Variants in KIF1B observed in about 807,000 individuals in gnomAD.
The protein encoded by KIF1B is kinesin-like protein KIF1B.
A neutral mutation model predicts 241.9 loss-of-function variants in KIF1B; 76 were observed. That is an observed-to-expected ratio of 0.31 (90% CI 0.26 to 0.38). The LOEUF (loss-of-function observed/expected upper bound fraction) is 0.38. Among genes scored for constraint, KIF1B ranks in the 10% least tolerant of loss-of-function variants. KIF1B has a pLI of 1.00. For synonymous variants in KIF1B, 750 were observed against 796.7 expected (o/e 0.94, Z 0.99); for missense variants, 1,622 against 2,271.4 (o/e 0.71, Z 5.81).
Position 10,278,016 on chromosome 1 carries a change from C to T in KIF1B, c.1068C>T (p.Cys356=). 6.2e-7 allele frequency: 1 copy of T among 1,613,838 alleles called. No homozygotes were observed. Among genetic ancestry groups the T allele is most frequent in the South Asian group, 1.1e-5 (1 of 91,078 alleles). ...CAGATCGTGCAAAACAAATTAAATG[C>T]AATGCTGTTATCAATGAGGACCCCA... ...RYADRAKQIK[C]NAVINEDPNA... Residue 356 remains cysteine, a synonymous_variant, in exon 13 of 49, where the codon TGC becomes TGT. Transcript: ENST00000676179.
At chr1:10,289,008 T>G (rs578116239) in intron 15 of KIF1B, among the ~76,000 whole-genome samples, 1 of 152,260 alleles carries the variant, frequency 6.6e-6, no homozygotes, top group South Asian at 2.1e-4. Flanking sequence ...TGTTATCATA[T>G]GAATCATACA....
At position 10,365,710 on chromosome 1, in the gene KIF1B, G is replaced by T; in HGVS notation, c.4752+62G>T. On this transcript the variant is annotated intron_variant, in intron 43 of 48. Coordinates refer to ENST00000676179, the MANE Select transcript of KIF1B (RefSeq NM_001365951.3). The surrounding 1 kb of genome is among the most constrained non-coding windows in gnomAD (Gnocchi z 4.0). ...CAAGGCTCCACAAACTAGCCTCTCG[G>T]TTTATTCATTTTCAACACCTTTGTT... The T allele has an allele frequency of 1.9e-6, 3 of 1,607,894 alleles. No individual in the cohort carries two copies. The highest frequency in any genetic ancestry group is 8.5e-7 in the Non-Finnish European group (1 of 1,178,020).
chr1:10,371,173 C>T lies in KIF1B; in HGVS notation c.4857C>T (p.Pro1619=), dbSNP rs1338494416. The T allele has an allele frequency of 6.2e-7, 1 of 1,613,996 alleles. No homozygotes were observed. Among genetic ancestry groups the T allele is most frequent in the African/African-American group, 1.3e-5 (1 of 74,906 alleles). The change falls in exon 45 of 49, where the codon CCC becomes CCT. Residue 1619 remains proline, a synonymous_variant. Transcript: ENST00000676179. ...ATATCTCTCCAATTGGACGGGATCC[C>T]TCTGAGTCCAGTTTCAGCAGTGCCA... ...LSDISPIGRD[P]SESSFSSATL...
intron 2 of KIF1B, among the ~76,000 whole-genome samples, chr1:10,236,378 A>G (rs1647052789): frequency 1.3e-5 from 2 of 152,194 alleles, no homozygotes; most frequent in Admixed American, 1.3e-4. Context: ...CAGTGTTAGG[A>G]CTAGATAATG....
At chr1:10,264,076 A>G (rs1045763910) in intron 5 of KIF1B, among the ~76,000 whole-genome samples, 15 of 152,074 alleles carry the variant, frequency 9.9e-5, no homozygotes, top group African/African-American at 3.6e-4. Flanking sequence ...TACCTTGACC[A>G]CCTTATTTAA....
chr1:10,296,076 T>G (rs1249559142), intron 19 of KIF1B, among the ~76,000 whole-genome samples: 2 of 152,198 alleles, frequency 1.3e-5, no homozygotes, highest in Non-Finnish European at 1.5e-5. Flanking sequence ...TAATAGGAGA[T>G]TTGAAGGACA....
intron 10 of KIF1B, 58 bp downstream of exon 10, chr1:10,273,089 C>G: frequency 7.6e-7 from 1 of 1,307,254 alleles, no homozygotes; most frequent in Middle Eastern, 1.8e-4. Context: ...TAAATCCTCA[C>G]TAGGATGTAT....
intron 1 of KIF1B, among the ~76,000 whole-genome samples, chr1:10,225,592 A>G (rs1174481709): frequency 1.3e-5 from 2 of 152,242 alleles, no homozygotes; most frequent in African/African-American, 4.8e-5. Flanking sequence ...TCAAGACTTT[A>G]GACAGGAGCA....
chr1:10,276,055 A>G (rs1202204988), intron 11 of KIF1B, among the ~76,000 whole-genome samples: 2 of 151,720 alleles, frequency 1.3e-5, no homozygotes, highest in Non-Finnish European at 2.9e-5. Context: ...ACAGACACAC[A>G]CCACCTTGCC....
intron 38 of KIF1B, among the ~76,000 whole-genome samples, chr1:10,360,609 C>T (rs561062563): frequency 1.6e-3 from 234 of 149,946 alleles, no homozygotes; most frequent in Non-Finnish European, 2.8e-3. Context: ...CACTTGAACC[C>T]GGGAGGCAGA....
intron 24 of KIF1B, among the ~76,000 whole-genome samples, chr1:10,323,522 T>C (rs942950839): frequency 3.9e-5 from 6 of 152,106 alleles, no homozygotes; most frequent in African/African-American, 1.4e-4. Context: ...CTCAGGAGGC[T>C]GAGATGGTAG....
intron 6 of KIF1B, 62 bp downstream of exon 6, chr1:10,267,620 A>G (rs755183758): frequency 1.1e-5 from 17 of 1,548,084 alleles, no homozygotes; most frequent in Non-Finnish European, 1.4e-5. Flanking sequence ...CTTTTTTCCC[A>G]GTTAAGGGTT....
chr1:10,214,885 A>G (rs1646742916), intron 1 of KIF1B, among the ~76,000 whole-genome samples: 1 of 151,588 alleles, frequency 6.6e-6, no homozygotes, highest in South Asian at 2.1e-4. Context: ...CTGGGCTACC[A>G]TTTCTATATA....
intron 43 of KIF1B, among the ~76,000 whole-genome samples, chr1:10,366,966 A>G (rs1011341680): frequency 2.0e-5 from 3 of 152,066 alleles, no homozygotes; most frequent in African/African-American, 7.2e-5. Flanking sequence ...GTGAGACACC[A>G]TCTCAAAAAA....
intron 4 of KIF1B, among the ~76,000 whole-genome samples, chr1:10,261,068 T>A (rs943330889): frequency 3.8e-5 from 5 of 133,290 alleles, no homozygotes; most frequent in Non-Finnish European, 6.5e-5. Flanking sequence ...CTGGGTTCAA[T>A]TAATTCTTGT....
chr1:10,283,917 A>T (rs929798177), intron 15 of KIF1B, among the ~76,000 whole-genome samples: 3 of 152,244 alleles, frequency 2.0e-5, no homozygotes, highest in Non-Finnish European at 4.4e-5. Flanking sequence ...CTTGCCGAAA[A>T]ACTCTTTAAC....
Position 10,378,628 on chromosome 1 carries a change from A to T in KIF1B, c.*2041A>T, listed in dbSNP as rs1427394735. On this transcript the variant is annotated 3_prime_UTR_variant, in exon 49 of 49. Transcript: ENST00000676179. ...AGGCAGCTGGATGACTTCCCGCTTCACGCAGCAAAGGCCAGGGGCTTGCGC... is the reference window on the plus strand; with the variant it reads ...AGGCAGCTGGATGACTTCCCGCTTCTCGCAGCAAAGGCCAGGGGCTTGCGC... The T allele has an allele frequency of 1.7e-6, 1 of 584,598 alleles. No individual in the cohort carries two copies. The highest frequency in any genetic ancestry group is 1.9e-5 in the African/African-American group (1 of 53,660). The allele number at this position is 584,598 out of a possible 1,614,324, so 36.2% of individuals were successfully genotyped here.
chr1:10,242,170 A>G (rs1647146936), intron 2 of KIF1B, among the ~76,000 whole-genome samples: 1 of 152,162 alleles, frequency 6.6e-6, no homozygotes, highest in African/African-American at 2.4e-5. Context: ...AAGCTTTCAG[A>G]GAGATTTTAG....
intron 34 of KIF1B, chr1:10,344,877 G>A (rs1652530084): frequency 6.6e-6 from 1 of 152,324 alleles, no homozygotes; most frequent in South Asian, 2.1e-4. Flanking sequence ...AAGTCACATA[G>A]CATCAGTACA....
Sources: gnomAD v4.1 joint callset for allele counts (sites outside exome capture counted in the v4.1 genomes callset) on GRCh38, gnomAD v4.1.1 for gene constraint, Gnocchi (gnomAD v3.1) non-coding constraint, MANE v1.5 for transcripts, NCBI Gene and HGNC (gene_info 2026-07-23, HGNC 2026-07-21) for gene names.